IL32: variants seen among roughly 807,000 people sequenced by gnomAD.
IL32 encodes the protein interleukin-32.
Under a neutral mutation model 16.6 loss-of-function variants are expected in IL32, and 30 were observed. The observed-to-expected ratio is 1.81, with a 90% confidence interval of 1.35 to 2.45. The LOEUF is 2.45. Ranked by LOEUF, IL32 falls within the 30% of genes most tolerant of loss-of-function variation. IL32 has a pLI of 0.00. For missense variants in IL32, 234 were observed against 229.8 expected (o/e 1.02, Z -0.12); for synonymous variants, 70 against 86.1 (o/e 0.81, Z 1.03).
intron 2 of IL32, among the ~76,000 whole-genome samples, chr16:3,066,448 A>G (rs1028251325): frequency 1.8e-4 from 28 of 152,164 alleles, no homozygotes; most frequent in African/African-American, 6.0e-4. Flanking sequence ...AAGTGTGCAG[A>G]CAGCTGCCCT....
intron 2 of IL32, 55 bp downstream of exon 2, chr16:3,065,881 G>A (rs1201628876): frequency 6.2e-7 from 1 of 1,606,936 alleles, no homozygotes; most frequent in Admixed American, 1.7e-5. Flanking sequence ...AGACCGTAAG[G>A]GTGCGGGTGC....
chr16:3,066,143 G>A (rs565485104), intron 2 of IL32, among the ~76,000 whole-genome samples: 4 of 152,176 alleles, frequency 2.6e-5, no homozygotes, highest in South Asian at 2.1e-4. Flanking sequence ...CTCAGAGGCC[G>A]GCTCAGCTGG....
intron 4 of IL32, 91 bp from the exon 5 acceptor site, chr16:3,067,893 T>G (rs569333579): frequency 8.3e-6 from 12 of 1,449,492 alleles, no homozygotes; most frequent in African/African-American, 1.4e-5. Context: ...TCGGGGTGTG[T>G]GGGAGCTGAG....
At chr16:3,067,289 GTGTGTGTGTGTGTGTGT>G in intron 2 of IL32, 71 bp from the exon 3 acceptor site, 2 of 559,190 alleles carry the variant, frequency 3.6e-6, no homozygotes, top group Non-Finnish European at 6.2e-6. Flanking sequence ...GTGTGTGTGT[GTGTGTGTGTGTGTGTGT>G]GTGTATAAAT....
rs535438991 is a variant in IL32, at chr16:3,067,345, A to G, written c.16-32A>G. On this transcript the variant is annotated intron_variant, in intron 2 of 6. Transcript: ENST00000525643. Reference sequence around the variant, plus strand: ...CCTGGAGGAAAGGTTAAGGTGACACATGGAGACTGAGTGTCACCGTTATTT... The same window carrying G: ...CCTGGAGGAAAGGTTAAGGTGACACGTGGAGACTGAGTGTCACCGTTATTT... 2.3e-6 allele frequency: 3 copies of G among 1,318,508 alleles called. No homozygotes were observed. In the African/African-American group the frequency reaches 4.5e-5, roughly 20 times the overall value. The allele number at this position is 1,318,508 out of a possible 1,614,324, so 81.7% of individuals were successfully genotyped here.
chr16:3,067,231 A>T (rs1025148666), intron 2 of IL32, 146 bp from the exon 3 acceptor site: 1 of 593,676 alleles, frequency 1.7e-6, no homozygotes, highest in Non-Finnish European at 2.9e-6. Context: ...GGCTCCTGGG[A>T]CTGCTGTCTC....
At position 3,065,753 on chromosome 16, in the gene IL32, T is replaced by C. The variant is rs1450049849; in HGVS notation, c.-28-31T>C. 2.5e-6 allele frequency: 4 copies of C among 1,612,232 alleles called. No individual in the cohort carries two copies. The South Asian group carries it at 4.4e-5, about 18-fold the overall frequency. On this transcript the variant is annotated intron_variant, in intron 1 of 6. Coordinates refer to ENST00000525643, the MANE Select transcript of IL32 (RefSeq NM_001376923.1). ...AGGAGGGTGCTTCTCTGAGACACTT[T>C]CTTTTCCTCACACCTGTTCCTCGCC...
At chr16:3,068,806 G>T (rs370732360) in intron 6 of IL32, 184 bp from the exon 7 acceptor site, 2 of 924,704 alleles carry the variant, frequency 2.2e-6, no homozygotes, top group African/African-American at 3.4e-5. Context: ...CTGCCATGGA[G>T]GTGAATGCAG....
chr16:3,068,905 G>A, intron 6 of IL32, 85 bp from the exon 7 acceptor site: 5 of 1,589,788 alleles, frequency 3.1e-6, no homozygotes, highest in Non-Finnish European at 4.3e-6. Flanking sequence ...CCAGGGTCAG[G>A]AAAAGGCTGA....
chr16:3,065,971 A>G (rs1429268281), intron 2 of IL32, 145 bp downstream of exon 2: 3 of 998,086 alleles, frequency 3.0e-6, no homozygotes, highest in Non-Finnish European at 4.8e-6. Context: ...ATGGGGTGAG[A>G]GTGTCAGTGG....
chr16:3,067,268 T>C (rs985176934), intron 2 of IL32, 109 bp from the exon 3 acceptor site: 12 of 683,570 alleles, frequency 1.8e-5, no homozygotes, highest in Non-Finnish European at 1.5e-5. Context: ...CTGCCATGTG[T>C]CTCTGTGTGT....
At chr16:3,067,297 GTGT>G (rs1872102583) in intron 2 of IL32, 77 bp from the exon 3 acceptor site, 3 of 705,486 alleles carry the variant, frequency 4.3e-6, no homozygotes, top group Non-Finnish European at 7.4e-6. Context: ...GTGTGTGTGT[GTGT>G]GTGTGTGTGT....
At chr16:3,067,751 CTGG>C (rs1956557230) in intron 4 of IL32, 138 bp downstream of exon 4, 1 of 865,864 alleles carries the variant, frequency 1.2e-6, no homozygotes, top group Non-Finnish European at 1.9e-6. Flanking sequence ...ATGCTTGCAC[CTGG>C]GTGGCAGTGA....
At chr16:3,065,593 C>A, upstream of IL32, 1 of 653,454 alleles carries the variant, frequency 1.5e-6, no homozygotes, top group Non-Finnish European at 2.8e-6. Flanking sequence ...GCTCCGCCCA[C>A]TACCCCCCAC....
At chr16:3,068,296 T>G (rs996041740) in intron 6 of IL32, 57 bp downstream of exon 6, 8 of 1,365,668 alleles carry the variant, frequency 5.9e-6, no homozygotes, top group Non-Finnish European at 7.1e-6. Context: ...GCCCTGTCTT[T>G]TCTTTCTTTC....
intron 4 of IL32, 150 bp downstream of exon 4, chr16:3,067,763 G>C: frequency 1.2e-6 from 1 of 827,622 alleles, no homozygotes; most frequent in South Asian, 1.6e-5. Flanking sequence ...GGGTGGCAGT[G>C]AGTGGGCGGG....
In IL32 at chr16:3,069,410, C is replaced by T. The variant is rs539295865; in HGVS notation, c.*55C>T. 1.1e-5 allele frequency: 17 copies of T among 1,534,310 alleles called. No homozygotes were observed. The East Asian group carries it at 3.8e-4, about 35-fold the overall frequency. The stretch of plus-strand genomic sequence containing the variant: ...TCACCGCGCACCCACCCTGACCCCT[C>T]CCTCAGCTGTCCTGTGCCCCGCCCT... On this transcript the variant is annotated 3_prime_UTR_variant, in exon 7 of 7. Transcript: ENST00000525643.
At chr16:3,066,671 A>T (rs1956344900) in intron 2 of IL32, among the ~76,000 whole-genome samples, 1 of 152,140 alleles carries the variant, frequency 6.6e-6, no homozygotes, top group Non-Finnish European at 1.5e-5. Context: ...GGCAGTCGGG[A>T]AGAGTGGCAG....
rs750643194 is a variant in IL32 at position 3,067,733 on chromosome 16, G to A, written c.114+120G>A. ...CCCACAGGCTCCCTCACCCCTTACC[G>A]TGGGCAAATGCTTGCACCTGGGTGG... On this transcript the variant is annotated intron_variant, in intron 4 of 6. Transcript: ENST00000525643. 4.5e-5 allele frequency: 41 copies of A among 909,058 alleles called. 1 individual carries two copies. The highest frequency in any genetic ancestry group is 7.9e-5 in the Admixed American group (4 of 50,444). The allele number at this position is 909,058 out of a possible 1,614,324, so 56.3% of individuals were successfully genotyped here.
Sources: allele counts gnomAD v4.1 joint callset (sites outside exome capture counted in the v4.1 genomes callset), GRCh38; gene constraint gnomAD v4.1.1; transcripts MANE v1.5; gene names NCBI Gene and HGNC (gene_info 2026-07-23, HGNC 2026-07-21).